NUTM2E: variants seen among roughly 807,000 people sequenced by gnomAD.
The protein encoded by NUTM2E is NUT family member 2E.
In NUTM2E, 3 loss-of-function variants were observed where a neutral mutation model predicts 26.1. That is an observed-to-expected ratio of 0.12 (90% CI 0.05 to 0.30). The LOEUF (loss-of-function observed/expected upper bound fraction) is 0.30. NUTM2E is among the 10% of genes least tolerant of loss of function. The pLI is 1.00. For missense variants in NUTM2E, 62 were observed against 381.3 expected (o/e 0.16, Z 6.97); for synonymous variants, 13 against 157.5 (o/e 0.08, Z 6.87).
chr10:79,832,814 G>T (rs1841935113), intron 1 of NUTM2E, among the ~76,000 whole-genome samples: 1 of 151,616 alleles, frequency 6.6e-6, no homozygotes. Flanking sequence ...GCAAAAAACA[G>T]CCATAACTAA....
intron 1 of NUTM2E, among the ~76,000 whole-genome samples, chr10:79,836,626 A>C (rs937218371): frequency 6.6e-6 from 1 of 151,902 alleles, no homozygotes; most frequent in Non-Finnish European, 1.5e-5. Context: ...TTACATGTGA[A>C]TTTGACTTAT....
intron 3 of NUTM2E, among the ~76,000 whole-genome samples, chr10:79,839,370 T>C (rs1466248110): frequency 1.3e-5 from 2 of 151,152 alleles, no homozygotes; most frequent in African/African-American, 4.9e-5. Flanking sequence ...TATACTTTCT[T>C]CTGACTCCAT....
Position 79,840,061 on chromosome 10 carries a change from A to G in NUTM2E, c.-1680A>G, listed in dbSNP as rs403022. On this transcript the variant is annotated 5_prime_UTR_variant, in exon 4 of 10. It removes an upstream start codon present in the reference 5' UTR. Transcript: ENST00000429984. Reference sequence around the variant, plus strand: ...CATTCAAATCCTGTATCAAAGCCACATGTGAGAATCTTGAGAAAGCATCAG... The same window carrying G: ...CATTCAAATCCTGTATCAAAGCCACGTGTGAGAATCTTGAGAAAGCATCAG... 5.4e-5 allele frequency among the ~76,000 whole-genome samples: 8 copies of G among 149,486 alleles called. No homozygotes were observed. The highest frequency in any genetic ancestry group is 1.5e-4 in the African/African-American group (6 of 39,688).
chr10:79,835,978 GTTAT>G (rs1392117532), intron 1 of NUTM2E, among the ~76,000 whole-genome samples: 2 of 151,108 alleles, frequency 1.3e-5, no homozygotes, highest in African/African-American at 2.4e-5. Flanking sequence ...TGGCAAGTCA[GTTAT>G]TTAGTCATTT....
intron 1 of NUTM2E, among the ~76,000 whole-genome samples, chr10:79,833,670 CA>C (rs1290047833): frequency 1.3e-5 from 2 of 151,674 alleles, no homozygotes; most frequent in African/African-American, 4.8e-5. Context: ...GATACCATCT[CA>C]GGCCAGTTAG....
intron 1 of NUTM2E, chr10:79,827,714 A>G (rs1323755064): frequency 1.3e-5 from 2 of 150,622 alleles, no homozygotes; most frequent in African/African-American, 2.4e-5. Context: ...AAGTGACATT[A>G]TTGCTGGTCT....
intron 1 of NUTM2E, among the ~76,000 whole-genome samples, chr10:79,829,835 G>A (rs1450603339): frequency 1.3e-5 from 2 of 151,454 alleles, no homozygotes; most frequent in African/African-American, 4.8e-5. Flanking sequence ...AAAAATCTAG[G>A]GAGCTGATGT....
chr10:79,830,228 A>T (rs960838861), intron 1 of NUTM2E, among the ~76,000 whole-genome samples: 1 of 151,672 alleles, frequency 6.6e-6, no homozygotes, highest in Non-Finnish European at 1.5e-5. Flanking sequence ...AGTTTTTTGT[A>T]CTATGGTGTA....
intron 1 of NUTM2E, among the ~76,000 whole-genome samples, chr10:79,833,999 G>A (rs1841944726): frequency 6.6e-6 from 1 of 151,828 alleles, no homozygotes; most frequent in African/African-American, 2.4e-5. Flanking sequence ...AAGAAAATGT[G>A]GCACATATAC....
chr10:79,829,752 T>G (rs1841914810), intron 1 of NUTM2E, among the ~76,000 whole-genome samples: 1 of 151,552 alleles, frequency 6.6e-6, no homozygotes, highest in African/African-American at 2.4e-5. Flanking sequence ...CAGCAAGTGT[T>G]TTGAATGGAC....
chr10:79,845,830 TC>T (rs1486352092), intron 5 of NUTM2E, among the ~76,000 whole-genome samples: 1 of 59,546 alleles, frequency 1.7e-5, no homozygotes, highest in Non-Finnish European at 4.5e-5. Context: ...CACTGGCCGT[TC>T]CCCTAGGGAA....
Position 79,848,778 on chromosome 10 carries a change from G to C in NUTM2E, c.1617G>C (p.Glu539Asp). The change falls in exon 8 of 10, where the codon GAG becomes GAC. Residue 539 changes from glutamate to aspartate, a missense_variant. By Grantham distance (45) the Glu-to-Asp change is conservative. Transcript: ENST00000429984. ...CCCTCGGGGCCACGGGGGAGCCCGA[G>C]AAACAACGGGAAGAGGGCAAAGTGA... ...GPSLGATGEPEKQREEGKVKQ... is the reference protein window; with the variant it reads ...GPSLGATGEPDKQREEGKVKQ... The C allele has an allele frequency of 1.9e-6, 1 of 539,784 alleles. No homozygotes were observed. The highest frequency in any genetic ancestry group is 3.1e-6 in the Non-Finnish European group (1 of 320,058). 33.4% of individuals were successfully genotyped at this position (539,784 alleles called of 1,614,324 possible).
rs1842038369 is a variant in NUTM2E at position 79,849,131 on chromosome 10, T to C, written c.1734+236T>C. 2.1e-5 allele frequency among the ~76,000 whole-genome samples: 2 copies of C among 94,266 alleles called. 1 individual carries two copies. Among genetic ancestry groups the C allele is most frequent in the Non-Finnish European group, 5.3e-5 (2 of 37,486 alleles). 61.8% of individuals were successfully genotyped at this position (94,266 alleles called of 152,430 possible). On this transcript the variant is annotated intron_variant, in intron 8 of 9. Coordinates refer to ENST00000429984, the MANE Select transcript of NUTM2E (RefSeq NM_001355263.2). ...TGTGTACGTTACCTGTGTCTGTGTCTTTTCCTGTGTCATATGTGGGTCTGT... is the reference window on the plus strand; with the variant it reads ...TGTGTACGTTACCTGTGTCTGTGTCCTTTCCTGTGTCATATGTGGGTCTGT...
intron 1 of NUTM2E, among the ~76,000 whole-genome samples, chr10:79,836,767 A>G (rs1455709274): frequency 6.6e-6 from 1 of 152,026 alleles, no homozygotes. Flanking sequence ...CAATTAATTT[A>G]TAGCTGTTTT....
Position 79,848,656 on chromosome 10 carries a change from A to G in NUTM2E, c.1495A>G (p.Arg499Gly), listed in dbSNP as rs1342384832. 2 of 640,030 alleles carry G rather than the reference A, an allele frequency of 3.1e-6. 1 individual carries two copies. The highest frequency in any genetic ancestry group is 4.7e-6 in the Non-Finnish European group (2 of 422,288). 39.6% of individuals were successfully genotyped at this position (640,030 alleles called of 1,614,324 possible). Residue 499 changes from arginine (R) to glycine (G), a missense_variant, in exon 8 of 10, where the codon AGG becomes GGG. Transcript: ENST00000429984. ...GACCAAGGCCCGCCTGCCACCACCC[A>G]GGCCCCAGAGACCAGCAGAGACCAA... ...AETKARLPPP[R>G]PQRPAETKVP...
chr10:79,835,919 T>C (rs1224789565), intron 1 of NUTM2E, among the ~76,000 whole-genome samples: 4 of 148,142 alleles, frequency 2.7e-5, no homozygotes, highest in African/African-American at 5.0e-5. Flanking sequence ...TGCTAGTTTT[T>C]ACTATTTTCT....
intron 1 of NUTM2E, among the ~76,000 whole-genome samples, chr10:79,837,533 A>G (rs1841971483): frequency 6.6e-6 from 1 of 152,170 alleles, no homozygotes; most frequent in Admixed American, 6.5e-5. Context: ...AGAAACCACT[A>G]GTTAACACAT....
intron 8 of NUTM2E, among the ~76,000 whole-genome samples, 163 bp downstream of exon 8, chr10:79,849,058 G>A (rs1281560040): frequency 8.9e-6 from 1 of 112,178 alleles, no homozygotes; most frequent in African/African-American, 2.8e-5. Flanking sequence ...TGTGTCTGTG[G>A]TTTGTTACTG....
chr10:79,828,146 T>A (rs2259113), intron 1 of NUTM2E, among the ~76,000 whole-genome samples: 1 of 150,984 alleles, frequency 6.6e-6, no homozygotes, highest in African/African-American at 2.4e-5. Context: ...ATGAGGCAAC[T>A]GATTTAAGGA....
Sources: allele counts gnomAD v4.1 joint callset (sites outside exome capture counted in the v4.1 genomes callset), GRCh38; gene constraint gnomAD v4.1.1; transcripts MANE v1.5; gene names NCBI Gene and HGNC (gene_info 2026-07-23, HGNC 2026-07-21).